The following UNC79 variants were observed in gnomAD, a reference collection of about 807,000 sequenced individuals.
The protein encoded by UNC79 is protein unc-79 homolog.
A neutral mutation model predicts 283.1 loss-of-function variants in UNC79; 37 were observed. That is an observed-to-expected ratio of 0.13 (90% CI 0.10 to 0.17). The LOEUF (loss-of-function observed/expected upper bound fraction) is 0.17. Ranked by LOEUF, UNC79 falls within the 10% of genes least tolerant of loss-of-function variation. The pLI is 1.00. For missense variants in UNC79, 2,272 were observed against 3,211.1 expected, an observed-to-expected ratio of 0.71 and a Z score of 7.07; for synonymous variants, 1,107 against 1,200.2, an observed-to-expected ratio of 0.92 and a Z score of 1.61.
intron 2 of UNC79, among the ~76,000 whole-genome samples, chr14:93,473,753 G>GT (rs1400119579): frequency 6.6e-6 from 1 of 152,148 alleles, no homozygotes; most frequent in Non-Finnish European, 1.5e-5. Context: ...CAAAGCCGTT[G>GT]TTTTTTTCTC....
At chr14:93,340,510 G>A (rs925243124) in intron 1 of UNC79, among the ~76,000 whole-genome samples, 9 of 148,496 alleles carry the variant, frequency 6.1e-5, no homozygotes, top group South Asian at 4.2e-4. Flanking sequence ...TGATTAGTAC[G>A]AAAGTAGTTT....
In UNC79 at chr14:93,453,226, T is replaced by C. The variant is rs115989739; in HGVS notation, c.23-14445T>C. On this transcript the variant is annotated intron_variant, in intron 1 of 48. Transcript: ENST00000555664. ...TGTCTTCTTATGGAGTAGAATTTAT[T>C]TTCAGTGCAATCATTTTGTTTTGAA... is the stretch of plus-strand genomic sequence containing the variant. Among the ~76,000 whole-genome samples, 407 of 152,362 alleles carry C rather than the reference T, an allele frequency of 2.7e-3. 1 individual carries two copies. Among genetic ancestry groups the C allele is most frequent in the African/African-American group, 9.3e-3 (385 of 41,586 alleles).
chr14:93,427,534 A>G (rs1005753824), upstream of UNC79, among the ~76,000 whole-genome samples: 3 of 152,260 alleles, frequency 2.0e-5, no homozygotes, highest in Non-Finnish European at 2.9e-5. Context: ...AAACCCTTCA[A>G]TACAAACTTT....
intron 7 of UNC79, among the ~76,000 whole-genome samples, chr14:93,497,952 C>T (rs1222957269): frequency 2.0e-5 from 3 of 151,862 alleles, no homozygotes; most frequent in African/African-American, 7.3e-5. Flanking sequence ...CACCACTGCT[C>T]TCCAGCCTGG....
chr14:93,550,528 A>AG (rs1555449128), intron 14 of UNC79, among the ~76,000 whole-genome samples: 1 of 6,884 alleles, frequency 1.5e-4, no homozygotes, highest in African/African-American at 4.2e-4. Context: ...AAAAAAAAAA[A>AG]AAAAAAAAAA....
At chr14:93,509,536 A>G (rs978770607) in intron 7 of UNC79, among the ~76,000 whole-genome samples, 3 of 152,110 alleles carry the variant, frequency 2.0e-5, no homozygotes, top group Non-Finnish European at 4.4e-5. Context: ...CTCCCTTTTC[A>G]AAAGGGAGAA....
At position 93,589,782 on chromosome 14, in the gene UNC79, G is replaced by A. The variant is rs915090354; in HGVS notation, c.3032+2874G>A. ...TAGACTCTCAAGAGAAAATCTTAAGGCCAGGCACAGTGGCTCATCCCTGTA... is the reference window on the plus strand; with the variant it reads ...TAGACTCTCAAGAGAAAATCTTAAGACCAGGCACAGTGGCTCATCCCTGTA... On this transcript the variant is annotated intron_variant, in intron 22 of 48. Transcript: ENST00000555664. Among the ~76,000 whole-genome samples, 4 of 152,118 alleles carry A rather than the reference G, an allele frequency of 2.6e-5. No individual in the cohort carries two copies. In the South Asian group the frequency reaches 8.3e-4, roughly 32 times the overall value.
chr14:93,386,964 C>G, intron 1 of UNC79, among the ~76,000 whole-genome samples: 1 of 17,848 alleles, frequency 5.6e-5, no homozygotes, highest in South Asian at 1.4e-3. Flanking sequence ...TTTTTTGAGA[C>G]GGAGTTTTGC....
Position 93,624,245 on chromosome 14 carries a change from C to T in UNC79, c.5608+1404C>T, listed in dbSNP as rs988163855. 5.9e-5 allele frequency among the ~76,000 whole-genome samples: 9 copies of T among 152,234 alleles called. No homozygotes were observed. The South Asian group carries it at 6.2e-4, about 11-fold the overall frequency. ...AGGACAGAGCTGTCTACCTCAAAAA[C>T]GCGCTGTAAAAATCTGTTGAATGAA... On this transcript the variant is annotated intron_variant, in intron 30 of 48. Transcript: ENST00000555664.
chr14:93,661,320 A>G (rs1044178101), intron 39 of UNC79, among the ~76,000 whole-genome samples: 8 of 152,246 alleles, frequency 5.3e-5, no homozygotes, highest in East Asian at 1.9e-4. Flanking sequence ...TACATGTGTA[A>G]TATTTCCACT....
At chr14:93,392,774 G>A (rs1214661099) in intron 1 of UNC79, among the ~76,000 whole-genome samples, 4 of 151,660 alleles carry the variant, frequency 2.6e-5, no homozygotes, top group Admixed American at 2.0e-4. Flanking sequence ...AATCTCTTGG[G>A]ATGTCTTGAT....
At chr14:93,615,519 C>T (rs1363354483) in intron 27 of UNC79, among the ~76,000 whole-genome samples, 2 of 151,576 alleles carry the variant, frequency 1.3e-5, no homozygotes, top group Non-Finnish European at 2.9e-5. Context: ...GTCAGGAGTT[C>T]GAAACCTGCC....
chr14:93,576,122 A>G (rs2063463424), intron 17 of UNC79, among the ~76,000 whole-genome samples: 1 of 152,244 alleles, frequency 6.6e-6, no homozygotes, highest in African/African-American at 2.4e-5. Flanking sequence ...AGCAAACAAT[A>G]TCACAGAATT....
At position 93,411,485 on chromosome 14, in the gene UNC79, T is replaced by C. The variant is rs549141955; in HGVS notation, c.-350-56186T>C. ...AGCCAGGTAGTGGTTATAGTTAGCC[T>C]TGGGTTGAGGCCCAGTGCTGTGCTG... On this transcript the variant is annotated intron_variant, in intron 1 of 49. Coordinates refer to the UNC79 transcript ENST00000256339. 3.3e-5 allele frequency among the ~76,000 whole-genome samples: 5 copies of C among 152,318 alleles called. No individual in the cohort carries two copies. The South Asian group carries it at 1.0e-3, about 32-fold the overall frequency.
rs2074437118 is a variant in UNC79 at position 93,688,613 on chromosome 14, G to A, written c.6910-52G>A. ...ACCTCTTCTTTTCAAAGAATGGCCTGGAATGAATCCAGGTGTCTGCCAGAG... is the reference window on the plus strand; with the variant it reads ...ACCTCTTCTTTTCAAAGAATGGCCTAGAATGAATCCAGGTGTCTGCCAGAG... On this transcript the variant is annotated intron_variant, in intron 43 of 48. Transcript: ENST00000555664. The surrounding 1 kb of genome is among the most constrained non-coding windows in gnomAD (Gnocchi z 4.0). The A allele has an allele frequency of 6.3e-7, 1 of 1,577,128 alleles. No homozygotes were observed. The highest frequency in any genetic ancestry group is 8.6e-7 in the Non-Finnish European group (1 of 1,158,578).
intron 24 of UNC79, among the ~76,000 whole-genome samples, chr14:93,598,678 C>G (rs1014516055): frequency 6.6e-6 from 1 of 152,128 alleles, no homozygotes; most frequent in Non-Finnish European, 1.5e-5. Context: ...TACGCCGCCA[C>G]GCCTGGCTAA....
chr14:93,362,201 G>A (rs1327097328), intron 1 of UNC79, among the ~76,000 whole-genome samples: 1 of 152,090 alleles, frequency 6.6e-6, no homozygotes, highest in East Asian at 1.9e-4. Flanking sequence ...GCTGGCCTCA[G>A]AATGAGTTAG....
At chr14:93,594,598 A>C (rs1333009637) in intron 23 of UNC79, among the ~76,000 whole-genome samples, 2 of 152,186 alleles carry the variant, frequency 1.3e-5, no homozygotes, top group Non-Finnish European at 2.9e-5. Context: ...TAAGAGGTTC[A>C]AGAATCTCTG....
chr14:93,615,990 A>T (rs1056385202), intron 27 of UNC79, among the ~76,000 whole-genome samples: 2 of 151,994 alleles, frequency 1.3e-5, no homozygotes, highest in African/African-American at 2.4e-5. Flanking sequence ...CCTTTTTAAA[A>T]TTTTTTTATT....
Sources: allele counts gnomAD v4.1 joint callset (sites outside exome capture counted in the v4.1 genomes callset), GRCh38; gene constraint gnomAD v4.1.1; non-coding constraint Gnocchi (gnomAD v3.1); transcripts MANE v1.5; gene names NCBI Gene and HGNC (gene_info 2026-07-23, HGNC 2026-07-21).